The following CERKL variants were observed in gnomAD, a reference collection of about 807,000 sequenced individuals.
CERKL encodes the protein ceramide kinase-like protein.
Under a neutral mutation model 63.4 loss-of-function variants are expected in CERKL, and 61 were observed. The ratio of observed to expected loss-of-function variants is 0.96; its 90% CI spans 0.78 to 1.19. The LOEUF is 1.19. CERKL is among the 50% of genes most tolerant of loss of function. The pLI, the probability that CERKL is intolerant of heterozygous loss-of-function variation, is 0.00. For missense variants in CERKL, 675 were observed against 655.5 expected, an observed-to-expected ratio of 1.03 and a Z score of -0.33; for synonymous variants, 250 against 230.5, an observed-to-expected ratio of 1.08 and a Z score of -0.77.
chr2:181,639,926 A>G (rs1040234985), intron 1 of CERKL, among the ~76,000 whole-genome samples: 1 of 152,230 alleles, frequency 6.6e-6, no homozygotes, highest in Non-Finnish European at 1.5e-5. Context: ...ACTGCTGTGT[A>G]GCAGCAGTGG....
chr2:181,621,932 G>C (rs532694901), intron 1 of CERKL, among the ~76,000 whole-genome samples: 5 of 152,210 alleles, frequency 3.3e-5, no homozygotes, highest in African/African-American at 1.2e-4. Context: ...AAATAACACT[G>C]TGCAGTCTTT....
At chr2:181,592,549 A>G (rs1473306512) in intron 2 of CERKL, among the ~76,000 whole-genome samples, 1 of 152,160 alleles carries the variant, frequency 6.6e-6, no homozygotes, top group Non-Finnish European at 1.5e-5. Context: ...AGGATAGCAC[A>G]ATCTGAATGG....
chr2:181,571,521 T>C (rs887585500), intron 3 of CERKL, among the ~76,000 whole-genome samples: 2 of 152,130 alleles, frequency 1.3e-5, no homozygotes, highest in African/African-American at 4.8e-5. Flanking sequence ...TCCTTTTTAA[T>C]TTTAATTCTG....
At chr2:181,596,320 A>G (rs543544957) in intron 2 of CERKL, among the ~76,000 whole-genome samples, 1 of 152,310 alleles carries the variant, frequency 6.6e-6, no homozygotes, top group African/African-American at 2.4e-5. Context: ...GACCAATTAC[A>G]TGTAAAAATA....
intron 2 of CERKL, among the ~76,000 whole-genome samples, chr2:181,590,100 G>A (rs1268120235): frequency 6.6e-6 from 1 of 152,034 alleles, no homozygotes; most frequent in Admixed American, 6.6e-5. Context: ...GAGATTACAG[G>A]AATGAGCCAC....
intron 1 of CERKL, among the ~76,000 whole-genome samples, chr2:181,636,779 T>A (rs1298652189): frequency 6.6e-6 from 1 of 152,186 alleles, no homozygotes; most frequent in African/African-American, 2.4e-5. Flanking sequence ...CGAACCTCTC[T>A]GTAGCTTTTC....
chr2:181,651,072 T>C (rs1199843103), intron 1 of CERKL, among the ~76,000 whole-genome samples: 1 of 152,174 alleles, frequency 6.6e-6, no homozygotes, highest in Non-Finnish European at 1.5e-5. Context: ...CAGAAACGAA[T>C]GGCTTCACTG....
At chr2:181,539,317 G>A (rs559961394) in intron 11 of CERKL, 53 bp from the exon 12 acceptor site, 456 of 1,153,346 alleles carry the variant, frequency 4.0e-4, no homozygotes, top group Non-Finnish European at 5.1e-4. Context: ...AGCTACTAAC[G>A]CGAATCAAAG....
rs1685761810 is a variant in CERKL at position 181,607,332 on chromosome 2, T to C, written c.239-3253A>G. ...GATCATATTATGAAGTTATAGCCTT[T>C]TACAAATTCAACATTACAATTAACT... is the stretch of plus-strand genomic sequence containing the variant. On this transcript the variant is annotated intron_variant, in intron 1 of 12. Coordinates refer to ENST00000410087, the MANE Select transcript of CERKL (RefSeq NM_201548.5). Among the ~76,000 whole-genome samples the C allele has an allele frequency of 2.0e-5, 3 of 152,348 alleles. No individual in the cohort carries two copies. The South Asian group carries it at 6.2e-4, about 32-fold the overall frequency.
At chr2:181,565,552 ATAAT>A (rs1688629773) in intron 4 of CERKL, 2 of 1,273,212 alleles carry the variant, frequency 1.6e-6, no homozygotes, top group African/African-American at 2.9e-5. Flanking sequence ...ACATTATGAG[ATAAT>A]TAAAATTATT....
At chr2:181,585,694 T>C (rs1159765050) in intron 2 of CERKL, among the ~76,000 whole-genome samples, 3 of 152,058 alleles carry the variant, frequency 2.0e-5, no homozygotes, top group Non-Finnish European at 4.4e-5. Flanking sequence ...AGAAAAATCA[T>C]ATTTGAGAAC....
intron 1 of CERKL, among the ~76,000 whole-genome samples, chr2:181,609,520 A>G (rs1685866830): frequency 8.7e-6 from 1 of 115,200 alleles, no homozygotes; most frequent in African/African-American, 3.5e-5. Flanking sequence ...CCATGGTGAA[A>G]CCCTGTCTCT....
intron 2 of CERKL, among the ~76,000 whole-genome samples, chr2:181,583,423 CATTAAGCACTAGAACTT>C (rs1224516449): frequency 1.3e-5 from 2 of 152,170 alleles, no homozygotes; most frequent in East Asian, 1.9e-4. Flanking sequence ...TGCTACCTAA[CATTAAGCACTAGAACTT>C]ATGAAGTATT....
At chr2:181,615,899 T>C (rs1686171774) in intron 1 of CERKL, among the ~76,000 whole-genome samples, 1 of 152,168 alleles carries the variant, frequency 6.6e-6, no homozygotes, top group Admixed American at 6.5e-5. Flanking sequence ...AAAGCTTAAG[T>C]TCCTAAATAC....
chr2:181,642,399 G>C (rs776241573), intron 1 of CERKL, among the ~76,000 whole-genome samples: 1 of 151,286 alleles, frequency 6.6e-6, no homozygotes, highest in South Asian at 2.1e-4. Flanking sequence ...TAAGTCTCAC[G>C]TAATCACCAA....
At chr2:181,604,332 G>C (rs1444830689) in intron 1 of CERKL, among the ~76,000 whole-genome samples, 1 of 152,036 alleles carries the variant, frequency 6.6e-6, no homozygotes, top group Non-Finnish European at 1.5e-5. Context: ...TGAATTACTA[G>C]TAAGAAATAA....
chr2:181,544,398 C>A (rs1284533189), intron 11 of CERKL, among the ~76,000 whole-genome samples: 1 of 152,136 alleles, frequency 6.6e-6, no homozygotes, highest in East Asian at 1.9e-4. Context: ...TGAAGAACAG[C>A]CTGAGTATGG....
At chr2:181,584,979 G>A (rs537837182) in intron 2 of CERKL, among the ~76,000 whole-genome samples, 116 of 151,100 alleles carry the variant, frequency 7.7e-4, no homozygotes, top group African/African-American at 2.0e-3. Context: ...TGCACTTTTC[G>A]TTTCCTCTGC....
At chr2:181,609,533 T>TGGAAAAAAAA (rs1267362169) in intron 1 of CERKL, among the ~76,000 whole-genome samples, 3 of 70,216 alleles carry the variant, frequency 4.3e-5, no homozygotes, top group African/African-American at 1.4e-4. Flanking sequence ...CTGTCTCTAC[T>TGGAAAAAAAA]AAAAAAAAAA....
Sources: gnomAD v4.1 joint callset for allele counts (sites outside exome capture counted in the v4.1 genomes callset) on GRCh38, gnomAD v4.1.1 for gene constraint, MANE v1.5 for transcripts, NCBI Gene and HGNC (gene_info 2026-07-23, HGNC 2026-07-21) for gene names.